Variants in RORA observed in about 807,000 individuals in gnomAD.
RORA encodes RAR related orphan receptor A, also known as nuclear receptor ROR-alpha.
RORA carries 7 observed loss-of-function variants against 69.5 expected under a neutral mutation model. The ratio of observed to expected loss-of-function variants is 0.10; its 90% CI spans 0.06 to 0.19. The LOEUF (loss-of-function observed/expected upper bound fraction) is 0.19. Ranked by LOEUF, RORA falls within the 10% of genes least tolerant of loss-of-function variation. The pLI, the probability that RORA is intolerant of heterozygous loss-of-function variation, is 1.00. For missense variants in RORA, 457 were observed against 663.0 expected (o/e 0.69, Z 3.41); for synonymous variants, 261 against 240.8 (o/e 1.08, Z -0.78).
chr15:60,750,810 G>C (rs77032823), intron 1 of RORA, among the ~76,000 whole-genome samples: 2,517 of 152,314 alleles, frequency 0.017, 78 homozygotes, highest in African/African-American at 0.058. Context: ...GCTTCAGAAA[G>C]AGGGAATTGG....
intron 2 of RORA, among the ~76,000 whole-genome samples, chr15:60,651,053 A>T (rs1226654376): frequency 6.6e-6 from 1 of 152,160 alleles, no homozygotes; most frequent in Non-Finnish European, 1.5e-5. Context: ...TTAACAATGC[A>T]TATTGTCAGC....
chr15:60,842,228 C>T (rs1383635691), intron 1 of RORA, among the ~76,000 whole-genome samples: 1 of 152,106 alleles, frequency 6.6e-6, no homozygotes, highest in Non-Finnish European at 1.5e-5. Flanking sequence ...TCCTTTCTCC[C>T]CAAACTGATG....
At chr15:60,746,582 G>A (rs2140855588) in intron 1 of RORA, among the ~76,000 whole-genome samples, 1 of 152,304 alleles carries the variant, frequency 6.6e-6, no homozygotes, top group Non-Finnish European at 1.5e-5. Flanking sequence ...CCGGTCCCAA[G>A]AGAAAACTGA....
chr15:60,629,344 G>A (rs898424442), intron 2 of RORA, among the ~76,000 whole-genome samples: 2 of 151,778 alleles, frequency 1.3e-5, no homozygotes, highest in African/African-American at 4.8e-5. Flanking sequence ...GCACCACCAC[G>A]CCCAGCTAAT....
chr15:60,632,215 C>T (rs2069753116), intron 2 of RORA, among the ~76,000 whole-genome samples: 1 of 151,986 alleles, frequency 6.6e-6, no homozygotes, highest in Non-Finnish European at 1.5e-5. Context: ...ACGCCATTCT[C>T]CTGCCTCAGC....
At chr15:60,592,363 C>T (rs767376500) in intron 2 of RORA, 4 of 1,405,186 alleles carry the variant, frequency 2.8e-6, no homozygotes, top group Non-Finnish European at 3.7e-6. Context: ...GCCCACCCGG[C>T]CCCGGCGGGG....
At chr15:60,562,227 G>A (rs892012410) in intron 2 of RORA, among the ~76,000 whole-genome samples, 6 of 151,952 alleles carry the variant, frequency 3.9e-5, no homozygotes, top group East Asian at 1.9e-4. Flanking sequence ...GAGCCACTGC[G>A]CCCTGCCAGT....
chr15:60,502,790 A>G lies in RORA; in HGVS notation c.1153T>C (p.Tyr385His), dbSNP rs368350758. 1.5e-5 allele frequency: 25 copies of G among 1,613,684 alleles called. No homozygotes were observed. The highest frequency in any genetic ancestry group is 2.0e-5 in the Non-Finnish European group (24 of 1,179,696). Reference sequence around the variant, plus strand: ...GATTTGAAGACGTCGGGGCTGGCATACTTCCCATCAAAGTACACGGTGTTG... The same window carrying G: ...GATTTGAAGACGTCGGGGCTGGCATGCTTCCCATCAAAGTACACGGTGTTG... The part of the protein sequence containing the change: ...QNNTVYFDGK[Y>H]ASPDVFKSLG... Residue 385 changes from tyrosine (Y) to histidine (H), a missense_variant, in exon 8 of 11, where the codon TAT becomes CAT. This residue lies in a region of RORA where 304 missense variants were observed against 447.4 expected (regional missense o/e 0.68). Coordinates refer to ENST00000335670, the MANE Select transcript of RORA (RefSeq NM_134261.3).
chr15:60,989,255 A>T (rs771755483), intron 1 of RORA, among the ~76,000 whole-genome samples: 13 of 152,216 alleles, frequency 8.5e-5, no homozygotes, highest in Non-Finnish European at 1.6e-4. Context: ...CTTAATGACT[A>T]ATCTGCTTTT....
intron 1 of RORA, among the ~76,000 whole-genome samples, chr15:60,794,444 G>T (rs985378988): frequency 6.6e-6 from 1 of 152,122 alleles, no homozygotes; most frequent in African/African-American, 2.4e-5. Context: ...ATTTGAACAT[G>T]GTCACCAGAG....
At chr15:61,078,144 A>C (rs561931553) in intron 1 of RORA, among the ~76,000 whole-genome samples, 2 of 152,228 alleles carry the variant, frequency 1.3e-5, no homozygotes, top group Non-Finnish European at 2.9e-5. Context: ...CCAAGTCCAC[A>C]CTAAAGGCTT....
At chr15:60,979,208 C>T (rs1190841181) in intron 1 of RORA, among the ~76,000 whole-genome samples, 1 of 151,416 alleles carries the variant, frequency 6.6e-6, no homozygotes, top group Non-Finnish European at 1.5e-5. Flanking sequence ...TCGTGATGCA[C>T]CCGCCTCAGC....
intron 1 of RORA, among the ~76,000 whole-genome samples, chr15:61,050,238 G>A (rs970029598): frequency 3.9e-5 from 6 of 152,296 alleles, no homozygotes; most frequent in African/African-American, 1.2e-4. Flanking sequence ...CAGCCGCAGC[G>A]ATGAGTCATG....
At chr15:60,840,820 G>A (rs981696331) in intron 1 of RORA, among the ~76,000 whole-genome samples, 2 of 152,202 alleles carry the variant, frequency 1.3e-5, no homozygotes, top group Non-Finnish European at 2.9e-5. Flanking sequence ...CAGCCTGACT[G>A]ACAAAGCATC....
intron 1 of RORA, among the ~76,000 whole-genome samples, chr15:60,852,123 C>G (rs2073332974): frequency 6.6e-6 from 1 of 152,200 alleles, no homozygotes; most frequent in East Asian, 1.9e-4. Flanking sequence ...AACCTCAGTG[C>G]AGGGCCTGTC....
At chr15:61,051,843 G>A (rs920146645) in intron 1 of RORA, among the ~76,000 whole-genome samples, 1 of 152,212 alleles carries the variant, frequency 6.6e-6, no homozygotes, top group Non-Finnish European at 1.5e-5. Context: ...CAAGCTAAGA[G>A]GGAGCAGTCC....
intron 3 of RORA, among the ~76,000 whole-genome samples, chr15:60,522,622 T>C (rs1255782110): frequency 1.3e-5 from 2 of 151,440 alleles, no homozygotes; most frequent in Non-Finnish European, 2.9e-5. Flanking sequence ...ATAAAACAAT[T>C]AGCCAGGTGT....
chr15:60,760,136 TA>T (rs979755999), intron 1 of RORA, among the ~76,000 whole-genome samples: 31 of 151,032 alleles, frequency 2.1e-4, no homozygotes, highest in African/African-American at 7.6e-4. Context: ...CTCTGAGCTT[TA>T]AAATATTTTT....
At chr15:60,720,212 T>C (rs1256491906) in intron 1 of RORA, among the ~76,000 whole-genome samples, 1 of 152,040 alleles carries the variant, frequency 6.6e-6, no homozygotes, top group African/African-American at 2.4e-5. Flanking sequence ...CCCATGAAGG[T>C]CTCTTGAGTC....
Sources: gnomAD v4.1 joint callset for allele counts (sites outside exome capture counted in the v4.1 genomes callset) on GRCh38, gnomAD v4.1.1 for gene constraint, gnomAD v4.1.1 regional missense constraint, MANE v1.5 for transcripts, NCBI Gene and HGNC (gene_info 2026-07-23, HGNC 2026-07-21) for gene names.